Variants in DCLK2 observed in about 807,000 individuals in gnomAD.
DCLK2 encodes the protein serine/threonine-protein kinase DCLK2.
Under a neutral mutation model 78.4 loss-of-function variants are expected in DCLK2, and 31 were observed. The observed-to-expected ratio is 0.40, with a 90% CI of 0.30 to 0.53. DCLK2 has a LOEUF of 0.53. DCLK2 is among the 20% of genes least tolerant of loss of function. The pLI, the probability that DCLK2 is intolerant of heterozygous loss-of-function variation, is 0.61. For missense variants in DCLK2, 872 were observed against 973.7 expected (o/e 0.90, Z 1.39); for synonymous variants, 407 against 374.9 (o/e 1.09, Z -0.99).
chr4:150,233,062 T>C (rs759515937), intron 10 of DCLK2, among the ~76,000 whole-genome samples: 3 of 152,208 alleles, frequency 2.0e-5, no homozygotes, highest in Admixed American at 6.5e-5. Flanking sequence ...AAGAACTACC[T>C]GAGACTGGGT....
chr4:150,121,433 C>A (rs558944307), intron 2 of DCLK2, among the ~76,000 whole-genome samples: 36 of 152,336 alleles, frequency 2.4e-4, no homozygotes, highest in African/African-American at 8.4e-4. Context: ...AGAAGCAACT[C>A]CTATTCTATT....
chr4:150,198,086 G>A lies in DCLK2; in HGVS notation c.944G>A (p.Ser315Asn). Residue 315 changes from serine to asparagine, a missense_variant, in exon 4 of 16, where the codon AGC becomes AAC. Coordinates refer to ENST00000296550, the MANE Select transcript of DCLK2 (RefSeq NM_001040260.4). Reference protein sequence around the residue: ...GSKSPGPSRRSKSPASVNGTP... With the variant: ...GSKSPGPSRRNKSPASVNGTP... ...AAAAGCCCTGGGCCCTCTCGACGCA[G>A]CAAATCACCAGCTTCAGGTAGTTAA... The A allele has an allele frequency of 6.2e-7, 1 of 1,613,482 alleles. No homozygotes were observed. The highest frequency in any genetic ancestry group is 8.5e-7 in the Non-Finnish European group (1 of 1,179,744).
At chr4:150,160,948 T>G (rs1053068128) in intron 2 of DCLK2, among the ~76,000 whole-genome samples, 6 of 152,114 alleles carry the variant, frequency 3.9e-5, no homozygotes, top group Non-Finnish European at 8.8e-5. Context: ...GATTCCAAAT[T>G]TAATGTTTTT....
intron 3 of DCLK2, among the ~76,000 whole-genome samples, chr4:150,195,364 T>A (rs796277574): frequency 0.025 from 81 of 3,226 alleles, 26 homozygotes; most frequent in African/African-American, 0.077. Flanking sequence ...ATTATATATA[T>A]TATATAATAT....
chr4:150,158,611 C>T (rs72730381), intron 2 of DCLK2, among the ~76,000 whole-genome samples: 2,648 of 152,138 alleles, frequency 0.017, 42 homozygotes, highest in African/African-American at 0.039. Context: ...ATAAATGTCT[C>T]GAAGGAATTC....
chr4:150,239,513 G>T (rs1742748226), intron 10 of DCLK2, among the ~76,000 whole-genome samples: 1 of 151,944 alleles, frequency 6.6e-6, no homozygotes, highest in South Asian at 2.1e-4. Flanking sequence ...GTGGGGGAAG[G>T]ATTACTTCAG....
At chr4:150,138,963 C>T (rs369574631) in intron 2 of DCLK2, among the ~76,000 whole-genome samples, 2 of 151,192 alleles carry the variant, frequency 1.3e-5, no homozygotes, top group South Asian at 4.3e-4. Context: ...GGCGCCTGGC[C>T]CATTTTTCAA....
Position 150,235,939 on chromosome 4 carries a change from G to A in DCLK2, c.1566+3111G>A, listed in dbSNP as rs182878656. On this transcript the variant is annotated intron_variant, in intron 10 of 15. Transcript: ENST00000296550. ...GCACAGGGGTGGCCGTTAATGCTGT[G>A]AGTTACAGCCTGGTGGTACCGTGTC... Among the ~76,000 whole-genome samples, 7 of 152,306 alleles carry A rather than the reference G, an allele frequency of 4.6e-5. No homozygotes were observed. The East Asian group carries it at 1.4e-3, about 29-fold the overall frequency.
intron 2 of DCLK2, among the ~76,000 whole-genome samples, chr4:150,152,674 G>A (rs1225671277): frequency 1.3e-5 from 2 of 152,142 alleles, no homozygotes; most frequent in African/African-American, 2.4e-5. Flanking sequence ...TGAGAGAAGC[G>A]GAATGCTGAC....
chr4:150,225,881 T>G (rs2126546909), intron 8 of DCLK2, among the ~76,000 whole-genome samples: 1 of 152,308 alleles, frequency 6.6e-6, no homozygotes, highest in African/African-American at 2.4e-5. Context: ...CTCTATTTCT[T>G]CCTTTAAAAT....
chr4:150,140,271 T>C lies in DCLK2; in HGVS notation c.756+37459T>C, dbSNP rs1052483391. ...TTATGATACCTTATTCCTTGGAATT[T>C]GAGCTTCTACTGAAGAAATTATCTA... On this transcript the variant is annotated intron_variant, in intron 2 of 15. Transcript: ENST00000296550. 2.6e-5 allele frequency among the ~76,000 whole-genome samples: 4 copies of C among 152,344 alleles called. No individual in the cohort carries two copies. In the East Asian group the frequency reaches 7.7e-4, roughly 29 times the overall value.
chr4:150,229,094 C>T (rs1291849194), intron 8 of DCLK2, among the ~76,000 whole-genome samples: 2 of 151,806 alleles, frequency 1.3e-5, no homozygotes. Flanking sequence ...AATCCCAGCA[C>T]TTTGGGAGGC....
At chr4:150,088,854 C>T (rs1729835927) in intron 1 of DCLK2, among the ~76,000 whole-genome samples, 1 of 152,174 alleles carries the variant, frequency 6.6e-6, no homozygotes, top group Non-Finnish European at 1.5e-5. Flanking sequence ...ATTTTCTGTG[C>T]ATGCCCAGTT....
At chr4:150,132,863 A>T (rs1234017614) in intron 2 of DCLK2, among the ~76,000 whole-genome samples, 2 of 152,158 alleles carry the variant, frequency 1.3e-5, no homozygotes, top group East Asian at 3.9e-4. Context: ...CCTGTGCTCA[A>T]ACTGTCCTCC....
intron 1 of DCLK2, among the ~76,000 whole-genome samples, chr4:150,088,952 C>T (rs867155286): frequency 1.3e-5 from 2 of 152,222 alleles, no homozygotes; most frequent in African/African-American, 2.4e-5. Flanking sequence ...CAATGCTCTA[C>T]GTGGGGTTAA....
chr4:150,130,894 C>A (rs190945561), intron 2 of DCLK2, among the ~76,000 whole-genome samples: 37 of 152,100 alleles, frequency 2.4e-4, no homozygotes, highest in Middle Eastern at 3.4e-3. Flanking sequence ...TATACAGGTG[C>A]CAAGCCTGTG....
chr4:150,143,828 G>T (rs1035476997), intron 2 of DCLK2, among the ~76,000 whole-genome samples: 20 of 151,794 alleles, frequency 1.3e-4, no homozygotes, highest in African/African-American at 4.8e-4. Flanking sequence ...TCATGTGCTT[G>T]TTGGCTGCTT....
chr4:150,185,607 G>A lies in DCLK2; in HGVS notation c.757-7531G>A, dbSNP rs557035035. Among the ~76,000 whole-genome samples the A allele has an allele frequency of 3.9e-5, 6 of 151,922 alleles. No individual in the cohort carries two copies. The East Asian group carries it at 1.2e-3, about 29-fold the overall frequency. On this transcript the variant is annotated intron_variant, in intron 2 of 15. Coordinates refer to ENST00000296550, the MANE Select transcript of DCLK2 (RefSeq NM_001040260.4). The stretch of plus-strand genomic sequence containing the variant: ...TGGGTGCCTGTAATCCCAACTACTC[G>A]GGAGGCTGAGGCAGAAGAATCGCTT...
At chr4:150,253,368 A>G in intron 15 of DCLK2, 10 of 1,189,098 alleles carry the variant, frequency 8.4e-6, no homozygotes, top group Non-Finnish European at 1.0e-5. Context: ...TCTCATCCCC[A>G]GAGCTGGGGC....
Sources: gnomAD v4.1 joint callset for allele counts (sites outside exome capture counted in the v4.1 genomes callset) on GRCh38, gnomAD v4.1.1 for gene constraint, MANE v1.5 for transcripts, NCBI Gene and HGNC (gene_info 2026-07-23, HGNC 2026-07-21) for gene names.